The following DENND1A variants were observed in gnomAD, a reference collection of about 807,000 sequenced individuals.
The protein encoded by DENND1A is DENN domain-containing protein 1A.
Under a neutral mutation model 113.7 loss-of-function variants are expected in DENND1A, and 51 were observed. The observed-to-expected ratio is 0.45, with a 90% confidence interval of 0.36 to 0.57. The LOEUF is 0.57. DENND1A is among the 20% of genes least tolerant of loss of function. The probability of loss-of-function intolerance (pLI) is 0.00; values close to 1 mark genes in which losing one functional copy is unlikely to be tolerated. For synonymous variants in DENND1A, 565 were observed against 570.8 expected, an observed-to-expected ratio of 0.99 and a Z score of 0.14; for missense variants, 1,258 against 1,395.9, an observed-to-expected ratio of 0.90 and a Z score of 1.57.
At chr9:123,451,564 C>T (rs1189950799) in intron 17 of DENND1A, among the ~76,000 whole-genome samples, 1 of 152,272 alleles carries the variant, frequency 6.6e-6, no homozygotes, top group African/African-American at 2.4e-5. Flanking sequence ...GTGGTGTATG[C>T]CACCACGAAC....
chr9:123,631,058 T>C (rs2061454553), intron 9 of DENND1A, among the ~76,000 whole-genome samples: 1 of 152,214 alleles, frequency 6.6e-6, no homozygotes, highest in Non-Finnish European at 1.5e-5. Context: ...ATAATTTGTA[T>C]CTATAGTTCC....
At chr9:123,429,142 C>T (rs1041080476) in intron 19 of DENND1A, among the ~76,000 whole-genome samples, 3 of 152,214 alleles carry the variant, frequency 2.0e-5, no homozygotes, top group African/African-American at 7.2e-5. Flanking sequence ...TCAAACTATA[C>T]TACAAGGCTA....
At chr9:123,463,908 C>CAAA (rs373633673) in intron 13 of DENND1A, among the ~76,000 whole-genome samples, 24,878 of 122,598 alleles carry the variant, frequency 0.2, 2,887 homozygotes, top group Non-Finnish European at 0.22. Context: ...GACTCCAGCT[C>CAAA]AAAAAAAAAA....
At chr9:123,386,384 T>TC (rs200872110) in intron 22 of DENND1A, among the ~76,000 whole-genome samples, 17,065 of 148,286 alleles carry the variant, frequency 0.12, 1,100 homozygotes, top group South Asian at 0.18. Flanking sequence ...TTTCTTTCTT[T>TC]TTTTTTTTTT....
intron 2 of DENND1A, among the ~76,000 whole-genome samples, chr9:123,834,668 C>G (rs1840786112): frequency 6.6e-6 from 1 of 152,144 alleles, no homozygotes; most frequent in Non-Finnish European, 1.5e-5. Context: ...CAGAACAGAG[C>G]TTAGGTTTTC....
intron 2 of DENND1A, among the ~76,000 whole-genome samples, chr9:123,818,441 G>A (rs575636411): frequency 9.2e-5 from 14 of 151,376 alleles, no homozygotes; most frequent in South Asian, 2.1e-4. Flanking sequence ...TCCCTTATCC[G>A]AAACACTTGA....
chr9:123,511,293 C>A (rs924518215), intron 13 of DENND1A, among the ~76,000 whole-genome samples: 2 of 152,244 alleles, frequency 1.3e-5, no homozygotes, highest in Admixed American at 6.5e-5. Context: ...GGGGAAGCTA[C>A]TTCACTGTCC....
At chr9:123,625,982 C>T (rs985986117) in intron 10 of DENND1A, among the ~76,000 whole-genome samples, 20 of 152,216 alleles carry the variant, frequency 1.3e-4, no homozygotes, top group African/African-American at 4.8e-4. Context: ...GCCTTGACCT[C>T]CTGGGCTCAA....
chr9:123,419,099 A>C (rs773201047), intron 19 of DENND1A, among the ~76,000 whole-genome samples: 5 of 152,248 alleles, frequency 3.3e-5, no homozygotes, highest in Non-Finnish European at 7.3e-5. Flanking sequence ...CCAACCGAGG[A>C]GCGGTATAGG....
intron 11 of DENND1A, among the ~76,000 whole-genome samples, chr9:123,605,175 G>A (rs80058892): frequency 0.078 from 11,893 of 152,220 alleles, 510 homozygotes; most frequent in Non-Finnish European, 0.09. Flanking sequence ...GTCTGGAACT[G>A]TCATTGCTGT....
At chr9:123,839,889 T>C (rs549704260) in intron 2 of DENND1A, among the ~76,000 whole-genome samples, 4 of 152,204 alleles carry the variant, frequency 2.6e-5, no homozygotes, top group Non-Finnish European at 4.4e-5. Context: ...GAATTGAATT[T>C]AAATCCAAGT....
chr9:123,382,667 T>C, intron 23 of DENND1A, 42 bp from the exon 24 acceptor site: 1 of 1,599,796 alleles, frequency 6.3e-7, no homozygotes, highest in Non-Finnish European at 8.6e-7. Flanking sequence ...ACGGGCTGAG[T>C]TGGGACATAT....
intron 2 of DENND1A, among the ~76,000 whole-genome samples, chr9:123,865,583 G>A (rs925718775): frequency 1.3e-5 from 2 of 152,248 alleles, no homozygotes; most frequent in African/African-American, 4.8e-5. Flanking sequence ...TCAATTTCCA[G>A]TTTGAAGGAT....
At chr9:123,681,966 A>C (rs1366437627) in intron 5 of DENND1A, among the ~76,000 whole-genome samples, 1 of 152,172 alleles carries the variant, frequency 6.6e-6, no homozygotes, top group Non-Finnish European at 1.5e-5. Context: ...AGGACATATC[A>C]ACAGGACACG....
intron 19 of DENND1A, among the ~76,000 whole-genome samples, chr9:123,429,322 G>A (rs750076863): frequency 9.2e-5 from 14 of 152,180 alleles, no homozygotes; most frequent in Non-Finnish European, 1.5e-4. Flanking sequence ...TTTGGAGGCC[G>A]GGGAGGGTGG....
At chr9:123,843,263 G>A in intron 2 of DENND1A, 4 of 466,928 alleles carry the variant, frequency 8.6e-6, no homozygotes, top group Admixed American at 8.0e-5. Context: ...ATCACACAAG[G>A]TAACTTGATT....
At chr9:123,686,256 T>C (rs182358098) in intron 5 of DENND1A, among the ~76,000 whole-genome samples, 3 of 152,294 alleles carry the variant, frequency 2.0e-5, no homozygotes, top group Admixed American at 2.0e-4. Context: ...CGTAGAGAAA[T>C]GAAGTAATTT....
chr9:123,911,157 G>T (rs775318431), intron 1 of DENND1A, among the ~76,000 whole-genome samples: 1 of 152,034 alleles, frequency 6.6e-6, no homozygotes, highest in Non-Finnish European at 1.5e-5. Flanking sequence ...TGGCCAAGAA[G>T]CATATGAAAA....
Position 123,763,234 on chromosome 9 carries a change from A to C in DENND1A, c.183-5412T>G, listed in dbSNP as rs190714658. Among the ~76,000 whole-genome samples the C allele has an allele frequency of 4.6e-5, 7 of 152,312 alleles. No individual in the cohort carries two copies. The East Asian group carries it at 1.2e-3, about 25-fold the overall frequency. On this transcript the variant is annotated intron_variant, in intron 4 of 23. Transcript: ENST00000394215. ...AGGTGTAAGTAGGAGTAGAGAAAAT[A>C]ATCTGGAAGTGATTGCAGTAGTCCA...
Sources: allele counts gnomAD v4.1 joint callset (sites outside exome capture counted in the v4.1 genomes callset), GRCh38; gene constraint gnomAD v4.1.1; transcripts MANE v1.5; gene names NCBI Gene and HGNC (gene_info 2026-07-23, HGNC 2026-07-21).